Variants in C3orf22 observed in about 807,000 individuals in gnomAD.
C3orf22 encodes uncharacterized protein C3orf22.
A neutral mutation model predicts 10.8 loss-of-function variants in C3orf22; 7 were observed. That is an observed-to-expected ratio of 0.65 (90% CI 0.37 to 1.22). The LOEUF is 1.22. Ranked by LOEUF, C3orf22 falls within the 50% of genes most tolerant of loss-of-function variation. The pLI, the probability that C3orf22 is intolerant of heterozygous loss-of-function variation, is 0.02. For synonymous variants in C3orf22, 79 were observed against 78.9 expected (o/e 1.00, Z 0.00); for missense variants, 173 against 177.0 (o/e 0.98, Z 0.13).
intron 4 of C3orf22, among the ~76,000 whole-genome samples, chr3:126,539,478 C>A (rs1041932316): frequency 2.7e-5 from 4 of 148,818 alleles, no homozygotes; most frequent in Middle Eastern, 3.2e-3. Flanking sequence ...ACACTGCACA[C>A]ACACACACAT....
chr3:126,545,662 T>G (rs1937055417), downstream of C3orf22, among the ~76,000 whole-genome samples: 1 of 152,196 alleles, frequency 6.6e-6, no homozygotes, highest in Admixed American at 6.5e-5. Context: ...CCAGGGCTGC[T>G]GCATGCAGCT....
downstream of C3orf22, among the ~76,000 whole-genome samples, chr3:126,548,953 C>T (rs1010515017): frequency 6.6e-6 from 1 of 152,146 alleles, no homozygotes; most frequent in Non-Finnish European, 1.5e-5. Context: ...TTTTATTCAC[C>T]CTCCCAAGGA....
At chr3:126,547,282 G>C (rs1937084476), downstream of C3orf22, among the ~76,000 whole-genome samples, 1 of 152,196 alleles carries the variant, frequency 6.6e-6, no homozygotes, top group African/African-American at 2.4e-5. Context: ...AGAGAGTATT[G>C]CTGCACCATC....
intron 4 of C3orf22, among the ~76,000 whole-genome samples, chr3:126,536,904 C>CAT (rs1191377342): frequency 6.6e-6 from 1 of 150,972 alleles, no homozygotes; most frequent in Admixed American, 6.6e-5. Flanking sequence ...CAAACACACA[C>CAT]ACACACACAC....
intron 1 of C3orf22, among the ~76,000 whole-genome samples, chr3:126,557,078 T>TCA (rs371344338): frequency 1.3e-5 from 2 of 149,496 alleles, no homozygotes; most frequent in Non-Finnish European, 3.0e-5. Context: ...ACACACAGAT[T>TCA]CACACACACA....
chr3:126,535,219 C>CA (rs1936753538), intron 4 of C3orf22, among the ~76,000 whole-genome samples: 1 of 145,046 alleles, frequency 6.9e-6, no homozygotes, highest in African/African-American at 2.6e-5. Context: ...TGTCCCCAGC[C>CA]GGTAGACAGA....
intron 2 of C3orf22, 151 bp downstream of exon 2, chr3:126,553,151 A>C (rs947674609): frequency 9.8e-6 from 7 of 715,778 alleles, no homozygotes; most frequent in African/African-American, 1.7e-5. Context: ...GGCGGACCCC[A>C]GACTGTCAGC....
chr3:126,538,576 A>G (rs1220416222), intron 4 of C3orf22, among the ~76,000 whole-genome samples: 1 of 152,244 alleles, frequency 6.6e-6, no homozygotes, highest in Non-Finnish European at 1.5e-5. Context: ...GGAAGGAGGA[A>G]GACTGACAGG....
At chr3:126,551,584 C>T (rs984781741) in intron 3 of C3orf22, among the ~76,000 whole-genome samples, 6 of 152,218 alleles carry the variant, frequency 3.9e-5, no homozygotes, top group Non-Finnish European at 8.8e-5. Context: ...CCACCCAGTG[C>T]AGAGGTCCCT....
chr3:126,552,923 TC>T lies in C3orf22; in HGVS notation c.89+378del, dbSNP rs113711911. ...CTGTGGAGACTTGGCCCAGGCCCCC[TC>T]GGGCTGCCCGTTATCCTGGCTAGTT... is the stretch of plus-strand genomic sequence containing the variant. On this transcript the variant is annotated intron_variant, in intron 2 of 3. Transcript: ENST00000318225. Among the ~76,000 whole-genome samples, 500 of 152,364 alleles carry T rather than the reference TC, an allele frequency of 3.3e-3. 5 individuals are homozygous for T. The highest frequency in any genetic ancestry group is 0.011 in the African/African-American group (473 of 41,590).
Position 126,552,327 on chromosome 3 carries a change from C to T in C3orf22, c.90-205G>A, listed in dbSNP as rs559777680. On this transcript the variant is annotated intron_variant, in intron 2 of 3. Coordinates refer to ENST00000318225, the MANE Select transcript of C3orf22 (RefSeq NM_152533.3). Reference sequence around the variant, plus strand: ...AAACTGAGGCACAGAGGTTCCACAGCCAGGAGGTGGGAACTAAGCTGCAGC... The same window carrying T: ...AAACTGAGGCACAGAGGTTCCACAGTCAGGAGGTGGGAACTAAGCTGCAGC... Among the ~76,000 whole-genome samples the T allele has an allele frequency of 1.4e-4, 21 of 152,360 alleles. No individual in the cohort carries two copies. In the South Asian group the frequency reaches 4.4e-3, roughly 32 times the overall value.
intron 4 of C3orf22, among the ~76,000 whole-genome samples, chr3:126,543,895 G>T (rs1309043905): frequency 6.6e-6 from 1 of 152,126 alleles, no homozygotes; most frequent in African/African-American, 2.4e-5. Context: ...GCTGCCACTG[G>T]TTTCCCCATG....
chr3:126,548,193 C>T (rs758342906), downstream of C3orf22, among the ~76,000 whole-genome samples: 2 of 152,224 alleles, frequency 1.3e-5, no homozygotes, highest in South Asian at 4.1e-4. Flanking sequence ...CGGGGTTTCA[C>T]CATGTTGCCC....
chr3:126,531,378 G>A (rs760772644), intron 4 of C3orf22, among the ~76,000 whole-genome samples: 2 of 152,274 alleles, frequency 1.3e-5, no homozygotes, highest in Non-Finnish European at 2.9e-5. Flanking sequence ...CAAGTGAATA[G>A]ATTCTTCTTA....
chr3:126,555,363 G>T (rs1225604056), intron 1 of C3orf22, among the ~76,000 whole-genome samples: 1 of 152,188 alleles, frequency 6.6e-6, no homozygotes, highest in East Asian at 1.9e-4. Flanking sequence ...AGTCTTTGGG[G>T]GCCATCACCC....
At chr3:126,534,540 A>T (rs942041742) in intron 4 of C3orf22, among the ~76,000 whole-genome samples, 2 of 141,040 alleles carry the variant, frequency 1.4e-5, no homozygotes, top group Non-Finnish European at 3.1e-5. Flanking sequence ...CCAGGAGAAA[A>T]ACAGACAGCA....
rs754694300 is a variant in C3orf22 at position 126,549,893 on chromosome 3, G to GC, written c.400dup (p.Ala134GlyfsTer?). 4 of 1,613,638 alleles carry GC rather than the reference G, an allele frequency of 2.5e-6. No homozygotes were observed. In the Admixed American group the frequency reaches 5.0e-5, roughly 20 times the overall value. ...CTAGGAGAGGCCCCTGGACAGCCCT[G>GC]CCGCCTTGCTGGTCTGGGGGCAGGC... On this transcript the variant is annotated frameshift_variant, in exon 4 of 4. Transcript: ENST00000318225. LOFTEE classifies it low-confidence loss of function (END_TRUNC).
intron 1 of C3orf22, among the ~76,000 whole-genome samples, 199 bp from the exon 2 acceptor site, chr3:126,553,629 C>T (rs1240076553): frequency 6.6e-6 from 1 of 152,224 alleles, no homozygotes; most frequent in Non-Finnish European, 1.5e-5. Context: ...TCACCAGACG[C>T]TCTCCCCAAG....
chr3:126,553,187 C>A (rs921939360), intron 2 of C3orf22, 115 bp downstream of exon 2: 5 of 804,278 alleles, frequency 6.2e-6, no homozygotes, highest in Non-Finnish European at 8.8e-6. Flanking sequence ...AAGGGTCTCC[C>A]TGTGGACAAA....
Sources: allele counts gnomAD v4.1 joint callset (sites outside exome capture counted in the v4.1 genomes callset), GRCh38; gene constraint gnomAD v4.1.1; transcripts MANE v1.5; gene names NCBI Gene and HGNC (gene_info 2026-07-23, HGNC 2026-07-21).